Variants in TBC1D22B observed in about 807,000 individuals in gnomAD.
TBC1D22B encodes TBC1 domain family member 22B, also known as chromosome 6 open reading frame 197.
Under a neutral mutation model 69.1 loss-of-function variants are expected in TBC1D22B, and 32 were observed. The ratio of observed to expected loss-of-function variants is 0.46; its 90% confidence interval spans 0.35 to 0.62. The LOEUF (loss-of-function observed/expected upper bound fraction) is 0.62. Ranked by LOEUF, TBC1D22B falls within the 20% of genes least tolerant of loss-of-function variation. The pLI is 0.00. For missense variants in TBC1D22B, 462 were observed against 630.9 expected (o/e 0.73, Z 2.87); for synonymous variants, 206 against 229.8 (o/e 0.90, Z 0.94).
chr6:37,331,325 C>A lies in TBC1D22B; in HGVS notation c.*153C>A, dbSNP rs922655889. ...CAGGTCTTAACTTTCTGGCATCCAC[C>A]ACTCCATGTCTCTGGATGTGTCACT... On this transcript the variant is annotated 3_prime_UTR_variant, in exon 13 of 13. Transcript: ENST00000373491. The A allele has an allele frequency of 4.5e-5, 31 of 690,468 alleles. No homozygotes were observed. The East Asian group carries it at 7.8e-4, about 17-fold the overall frequency. 42.8% of individuals were successfully genotyped at this position (690,468 alleles called of 1,614,324 possible).
At chr6:37,280,614 A>T (rs1456450492) in intron 3 of TBC1D22B, among the ~76,000 whole-genome samples, 1 of 152,224 alleles carries the variant, frequency 6.6e-6, no homozygotes, top group African/African-American at 2.4e-5. Context: ...AGAGGTTTCC[A>T]GTGTGAGGAA....
At chr6:37,279,718 C>A in intron 3 of TBC1D22B, 107 bp downstream of exon 3, 3 of 1,212,124 alleles carry the variant, frequency 2.5e-6, no homozygotes, top group Non-Finnish European at 3.4e-6. Flanking sequence ...TTCAACTGGG[C>A]GGTAAATAAA....
chr6:37,325,956 C>T (rs73732941), intron 12 of TBC1D22B, among the ~76,000 whole-genome samples: 4,916 of 152,236 alleles, frequency 0.032, 250 homozygotes, highest in African/African-American at 0.11. Flanking sequence ...TGGTTCCTTA[C>T]GGCTAAGCAT....
At position 37,286,235 on chromosome 6, in the gene TBC1D22B, A is replaced by G. The variant is rs186831881; in HGVS notation, c.802-772A>G. Among the ~76,000 whole-genome samples the G allele has an allele frequency of 4.8e-3, 738 of 152,326 alleles. 7 individuals carry two copies. Among genetic ancestry groups the G allele is most frequent in the Non-Finnish European group, 8.2e-3 (557 of 68,014 alleles). On this transcript the variant is annotated intron_variant, in intron 6 of 12. Coordinates refer to ENST00000373491, the MANE Select transcript of TBC1D22B (RefSeq NM_017772.4). ...TCATGGAAACATGTTCCACATGGGC[A>G]GGTAGGTATAACTAGATTTTTTTCC... is the stretch of plus-strand genomic sequence containing the variant.
intron 12 of TBC1D22B, among the ~76,000 whole-genome samples, chr6:37,324,754 C>T (rs1044580292): frequency 5.3e-5 from 8 of 152,174 alleles, no homozygotes; most frequent in African/African-American, 1.9e-4. Context: ...CTTCTCTTCT[C>T]ACACCAGGGC....
chr6:37,274,490 G>A (rs1490932925), intron 2 of TBC1D22B, among the ~76,000 whole-genome samples: 1 of 152,146 alleles, frequency 6.6e-6, no homozygotes, highest in Non-Finnish European at 1.5e-5. Flanking sequence ...GAAATTTTTA[G>A]TATTCCCTGC....
chr6:37,315,271 T>TA (rs967990071), intron 10 of TBC1D22B, among the ~76,000 whole-genome samples: 2 of 152,092 alleles, frequency 1.3e-5, no homozygotes, highest in Non-Finnish European at 2.9e-5. Flanking sequence ...ACTTCCTCAT[T>TA]AAAAAAATTT....
chr6:37,291,154 T>G, intron 7 of TBC1D22B, 89 bp from the exon 8 acceptor site: 1 of 924,920 alleles, frequency 1.1e-6, no homozygotes, highest in Admixed American at 2.0e-5. Flanking sequence ...TACACCAACC[T>G]GGAGGTAAAT....
intron 2 of TBC1D22B, among the ~76,000 whole-genome samples, chr6:37,276,051 G>C (rs918013496): frequency 1.3e-5 from 2 of 148,150 alleles, no homozygotes; most frequent in Admixed American, 6.8e-5. Context: ...TGTAACCTCT[G>C]CCTTCCGGGT....
chr6:37,285,315 CTT>C (rs756459599), intron 6 of TBC1D22B, among the ~76,000 whole-genome samples: 29 of 73,550 alleles, frequency 3.9e-4, no homozygotes, highest in African/African-American at 1.1e-3. Flanking sequence ...TCCTTCCCCA[CTT>C]TTTTTTTTTT....
intron 1 of TBC1D22B, among the ~76,000 whole-genome samples, chr6:37,261,572 A>G (rs1351940206): frequency 6.6e-6 from 1 of 152,112 alleles, no homozygotes; most frequent in Non-Finnish European, 1.5e-5. Flanking sequence ...TAAAATAGGG[A>G]CAGAGTATCT....
intron 1 of TBC1D22B, among the ~76,000 whole-genome samples, chr6:37,263,687 G>A (rs1245229678): frequency 1.3e-5 from 2 of 152,162 alleles, no homozygotes; most frequent in African/African-American, 4.8e-5. Context: ...GGGTTCAAGC[G>A]ATTCTCCTGC....
intron 12 of TBC1D22B, among the ~76,000 whole-genome samples, chr6:37,326,147 T>C (rs559713824): frequency 1.2e-4 from 18 of 150,970 alleles, no homozygotes; most frequent in East Asian, 2.0e-4. Context: ...TTTGGGAGGC[T>C]GAGGCGGGCA....
chr6:37,324,345 G>A, intron 12 of TBC1D22B: 1 of 456,746 alleles, frequency 2.2e-6, no homozygotes, highest in Non-Finnish European at 4.4e-6. Context: ...AAGAGGCAGA[G>A]GAAGAGGTGG....
intron 8 of TBC1D22B, among the ~76,000 whole-genome samples, chr6:37,291,917 G>C (rs6920007): frequency 6.6e-6 from 1 of 152,138 alleles, no homozygotes; most frequent in African/African-American, 2.4e-5. Context: ...ATGGCAGCAG[G>C]TGGGTTTTCT....
chr6:37,331,405 C>A lies in TBC1D22B; in HGVS notation c.*233C>A. The A allele has an allele frequency of 2.1e-6, 1 of 474,722 alleles. No individual in the cohort carries two copies. The highest frequency in any genetic ancestry group is 3.8e-6 in the Non-Finnish European group (1 of 260,480). 29.4% of individuals were successfully genotyped at this position (474,722 alleles called of 1,614,324 possible). Reference sequence around the variant, plus strand: ...GGATGGGCCCAGTTCTGGGAGAGGACAGAAAAGGTGGTACAGGGTTGTCTG... The same window carrying A: ...GGATGGGCCCAGTTCTGGGAGAGGAAAGAAAAGGTGGTACAGGGTTGTCTG... On this transcript the variant is annotated 3_prime_UTR_variant, in exon 13 of 13. Coordinates refer to ENST00000373491, the MANE Select transcript of TBC1D22B (RefSeq NM_017772.4).
At chr6:37,330,222 CTTTTTTTTTTTTTTTTTTT>C (rs67372032) in intron 12 of TBC1D22B, among the ~76,000 whole-genome samples, 83 of 75,584 alleles carry the variant, frequency 1.1e-3, no homozygotes, top group African/African-American at 3.7e-3. Flanking sequence ...TTGTCCGTTT[CTTTTTTTTTTTTTTTTTTT>C]TTTTTTTTTT....
At chr6:37,302,792 G>C (rs1376282896) in intron 8 of TBC1D22B, among the ~76,000 whole-genome samples, 5 of 152,180 alleles carry the variant, frequency 3.3e-5, no homozygotes, top group African/African-American at 4.8e-5. Context: ...CTTAGGATTA[G>C]CTAGGCTGCA....
chr6:37,279,709 TCA>T, intron 3 of TBC1D22B, 98 bp downstream of exon 3: 1 of 1,276,988 alleles, frequency 7.8e-7, no homozygotes, highest in Non-Finnish European at 1.1e-6. Context: ...AGGTAGATAT[TCA>T]ACTGGGCGGT....
Sources: allele counts gnomAD v4.1 joint callset (sites outside exome capture counted in the v4.1 genomes callset), GRCh38; gene constraint gnomAD v4.1.1; transcripts MANE v1.5; gene names NCBI Gene and HGNC (gene_info 2026-07-23, HGNC 2026-07-21).